The following FBXO17 variants were observed in gnomAD, a reference collection of about 807,000 sequenced individuals.
FBXO17 encodes the protein F-box protein 17, also known as F-box only protein 17.
A neutral mutation model predicts 34.1 loss-of-function variants in FBXO17; 43 were observed. That is an observed-to-expected ratio of 1.26 (90% CI 0.99 to 1.62). The LOEUF (loss-of-function observed/expected upper bound fraction) is 1.62, where lower values mean the gene tolerates loss of function less well. Among genes scored for constraint, FBXO17 ranks in the 40% most tolerant of loss-of-function variants. The pLI, the probability that FBXO17 is intolerant of heterozygous loss-of-function variation, is 0.00. For missense variants in FBXO17, 424 were observed against 386.7 expected (o/e 1.10, Z -0.81); for synonymous variants, 169 against 166.0 (o/e 1.02, Z -0.14).
In FBXO17 at chr19:38,942,493, C is replaced by CT. The variant is rs1192052557; in HGVS notation, c.*114dup. 8.7e-7 allele frequency: 1 copy of CT among 1,155,678 alleles called. No individual in the cohort carries two copies. The highest frequency in any genetic ancestry group is 1.7e-5 in the African/African-American group (1 of 60,004). The allele number at this position is 1,155,678 out of a possible 1,614,324, so 71.6% of individuals were successfully genotyped here. A position where few individuals can be genotyped will look rare whatever the true frequency, so the allele number is the denominator to read the frequency against. On this transcript the variant is annotated 3_prime_UTR_variant, in exon 6 of 6. Coordinates refer to ENST00000292852, the MANE Select transcript of FBXO17 (RefSeq NM_024907.7). ...CCCAGGCTGGTCTTGAACTCCCGAG[C>CT]TCCAGTGATCCTCCCACCTCGGCCT...
chr19:38,945,135 C>G, intron 4 of FBXO17, 31 bp from the exon 5 acceptor site: 1 of 1,612,188 alleles, frequency 6.2e-7, no homozygotes, highest in Non-Finnish European at 8.5e-7. Flanking sequence ...TCTATGCCCC[C>G]GTCACCCAGC....
intron 1 of FBXO17, among the ~76,000 whole-genome samples, chr19:38,973,143 C>T (rs906581614): frequency 1.3e-5 from 2 of 151,782 alleles, no homozygotes; most frequent in East Asian, 1.9e-4. Context: ...GGGAGGCCAA[C>T]GCGGGTGGAT....
chr19:38,953,686 AAAAG>A (rs998580567), intron 1 of FBXO17, among the ~76,000 whole-genome samples: 20 of 152,074 alleles, frequency 1.3e-4, no homozygotes, highest in African/African-American at 4.3e-4. Flanking sequence ...CAAAAACAAA[AAAAG>A]AGAGAGGGTT....
At chr19:38,969,357 C>T (rs1311751779) in intron 1 of FBXO17, among the ~76,000 whole-genome samples, 6 of 150,100 alleles carry the variant, frequency 4.0e-5, no homozygotes, top group East Asian at 4.0e-4. Flanking sequence ...GTGGGAGGAT[C>T]GCTTGAGCCC....
intron 1 of FBXO17, among the ~76,000 whole-genome samples, chr19:38,963,476 T>C (rs1975280551): frequency 6.6e-6 from 1 of 151,750 alleles, no homozygotes; most frequent in Admixed American, 6.6e-5. Context: ...TAAATTTTTT[T>C]TGAGACAGGG....
chr19:38,962,355 G>C (rs1975264070), intron 1 of FBXO17, among the ~76,000 whole-genome samples: 1 of 152,246 alleles, frequency 6.6e-6, no homozygotes, highest in Non-Finnish European at 1.5e-5. Flanking sequence ...GGCTCCTGCA[G>C]GGCAGCTACT....
chr19:38,951,305 A>G (rs1975080603), intron 1 of FBXO17, among the ~76,000 whole-genome samples: 1 of 151,682 alleles, frequency 6.6e-6, no homozygotes, highest in Non-Finnish European at 1.5e-5. Context: ...AGCTGGGACT[A>G]TAGGTGCATG....
In FBXO17 at chr19:38,942,629, C is replaced by T. The variant is rs753890189; in HGVS notation, c.816G>A (p.Arg272=). The T allele has an allele frequency of 1.9e-6, 3 of 1,585,490 alleles. No individual in the cohort carries two copies. Among genetic ancestry groups the T allele is most frequent in the Non-Finnish European group, 1.7e-6 (2 of 1,169,690 alleles). The part of the protein sequence containing the change: ...YGALVTHSSV[R]VRIRLS The stretch of plus-strand genomic sequence containing the variant: ...GTCGCTAGGACAGACGGATCCTGAC[C>T]CTCACACTGGAGTGGGTCACAAGGG... Residue 272 remains arginine, a synonymous_variant, in exon 6 of 6, where the codon AGG becomes AGA. Transcript: ENST00000292852.
At chr19:38,962,286 T>C (rs1046839986) in intron 1 of FBXO17, among the ~76,000 whole-genome samples, 1 of 152,144 alleles carries the variant, frequency 6.6e-6, no homozygotes, top group Non-Finnish European at 1.5e-5. Context: ...TTTTTTTCAG[T>C]AGAGGGCGCT....
chr19:38,949,859 T>C (rs1469135450), intron 2 of FBXO17, 112 bp downstream of exon 2: 2 of 1,273,106 alleles, frequency 1.6e-6, no homozygotes, highest in Admixed American at 3.2e-5. Flanking sequence ...GCCCCCTGGC[T>C]CCTCCAGCGG....
In FBXO17 at chr19:38,950,203, G is replaced by A. The variant is rs1373092875; in HGVS notation, c.117C>T (p.Val39=). 1 of 1,552,112 alleles carries A rather than the reference G, an allele frequency of 6.4e-7. No homozygotes were observed. The highest frequency in any genetic ancestry group is 2.4e-5 in the East Asian group (1 of 41,188). ...VLSHVPPRSL[V]TRCRPVCRAW... ...CGCGGCACACTGGGCGGCATCGCGT[G>A]ACCAAGGAGCGTGGCGGCACGTGGC... is the stretch of plus-strand genomic sequence containing the variant. The change falls in exon 2 of 6, where the codon GTC becomes GTT. Residue 39 remains valine (V), a synonymous_variant. Coordinates refer to ENST00000292852, the MANE Select transcript of FBXO17 (RefSeq NM_024907.7).
intron 1 of FBXO17, among the ~76,000 whole-genome samples, chr19:38,954,438 T>C (rs1975132413): frequency 1.3e-5 from 2 of 150,764 alleles, no homozygotes; most frequent in South Asian, 4.2e-4. Flanking sequence ...CCTGGCTAAT[T>C]TTTATATTTT....
At chr19:38,968,615 T>C (rs1975351171) in intron 1 of FBXO17, among the ~76,000 whole-genome samples, 7 of 152,192 alleles carry the variant, frequency 4.6e-5, no homozygotes, top group Admixed American at 4.6e-4. Flanking sequence ...TCTCATATGC[T>C]AATGTTCATA....
intron 4 of FBXO17, chr19:38,946,077 G>A (rs943392782): frequency 1.2e-5 from 3 of 245,176 alleles, no homozygotes; most frequent in Admixed American, 5.1e-5. Flanking sequence ...TTCATCCTAA[G>A]CCTGTAGGCT....
rs749582951 is a variant in FBXO17, at chr19:38,948,556, G to A, written c.461+11C>T. Reference sequence around the variant, plus strand: ...CCCCAGGGATCGGGGCCTCTCACTTGGGCCACTCACTCGAAAGAGGTCACG... The same window carrying A: ...CCCCAGGGATCGGGGCCTCTCACTTAGGCCACTCACTCGAAAGAGGTCACG... On this transcript the variant is annotated intron_variant, in intron 3 of 5. Transcript: ENST00000292852. The A allele has an allele frequency of 4.9e-5, 79 of 1,610,300 alleles. No homozygotes were observed. Among genetic ancestry groups the A allele is most frequent in the Non-Finnish European group, 6.3e-5 (74 of 1,177,234 alleles).
intron 2 of FBXO17, among the ~76,000 whole-genome samples, chr19:38,949,327 T>C (rs1975035011): frequency 6.6e-6 from 1 of 152,126 alleles, no homozygotes; most frequent in African/African-American, 2.4e-5. Context: ...CTTGAACTCC[T>C]GACCTCAAGT....
chr19:38,954,890 GTTATTTTATTATTATTATTATTATTA>G (rs1975141380), intron 1 of FBXO17, among the ~76,000 whole-genome samples: 2 of 124,094 alleles, frequency 1.6e-5, no homozygotes, highest in African/African-American at 5.8e-5. Flanking sequence ...CTGACAATGT[GTTATTTTATTATTATTATTATTATTA>G]TTATTATTAT....
chr19:38,949,132 A>G (rs967883204), intron 2 of FBXO17, among the ~76,000 whole-genome samples: 3 of 151,394 alleles, frequency 2.0e-5, no homozygotes, highest in African/African-American at 7.3e-5. Context: ...ATGGAGTTTC[A>G]ATCTTGCTGC....
At chr19:38,960,381 GC>G (rs1373465234) in intron 1 of FBXO17, among the ~76,000 whole-genome samples, 3 of 152,026 alleles carry the variant, frequency 2.0e-5, no homozygotes, top group African/African-American at 7.2e-5. Context: ...GGTGGATGGG[GC>G]TGGGTCATCT....
Sources: allele counts gnomAD v4.1 joint callset (sites outside exome capture counted in the v4.1 genomes callset), GRCh38; gene constraint gnomAD v4.1.1; transcripts MANE v1.5; gene names NCBI Gene and HGNC (gene_info 2026-07-23, HGNC 2026-07-21).